Variants in TYW1 observed in about 807,000 individuals in gnomAD.
TYW1 encodes the protein S-adenosyl-L-methionine-dependent tRNA 4-demethylwyosine synthase TYW1.
TYW1 carries 46 observed loss-of-function variants against 96.2 expected under a neutral mutation model. The ratio of observed to expected loss-of-function variants is 0.48; its 90% CI spans 0.38 to 0.61. The LOEUF is 0.61. TYW1 is among the 20% of genes least tolerant of loss of function. The pLI is 0.00. For synonymous variants in TYW1, 274 were observed against 323.0 expected, an observed-to-expected ratio of 0.85 and a Z score of 1.63; for missense variants, 684 against 909.6, an observed-to-expected ratio of 0.75 and a Z score of 3.19.
intron 13 of TYW1, among the ~76,000 whole-genome samples, chr7:67,138,541 A>G (rs1243084587): frequency 1.3e-5 from 2 of 151,968 alleles, no homozygotes; most frequent in African/African-American, 4.8e-5. Context: ...TATATTGTCA[A>G]CCTGTTGTGC....
At chr7:67,002,996 C>G (rs990265324) in intron 3 of TYW1, among the ~76,000 whole-genome samples, 1 of 151,902 alleles carries the variant, frequency 6.6e-6, no homozygotes, top group Non-Finnish European at 1.5e-5. Context: ...GTCTCAAACT[C>G]CTAGCCTCAA....
At position 67,239,298 on chromosome 7, in the gene TYW1, A is replaced by C. The variant is rs1414047876; in HGVS notation, c.*769A>C. 1.0e-6 allele frequency: 1 copy of C among 985,306 alleles called. No individual in the cohort carries two copies. The allele number at this position is 985,306 out of a possible 1,614,324, so 61.0% of individuals were successfully genotyped here. A position where few individuals can be genotyped will look rare whatever the true frequency, so the allele number is the denominator to read the frequency against. The stretch of plus-strand genomic sequence containing the variant: ...AGAGGATCATTTCTTTTTGTTCGTG[A>C]GGTCACTGTCCAGGCCTCTCATATC... On this transcript the variant is annotated 3_prime_UTR_variant, in exon 16 of 16. Coordinates refer to ENST00000359626, the MANE Select transcript of TYW1 (RefSeq NM_018264.4).
intron 11 of TYW1, among the ~76,000 whole-genome samples, chr7:67,092,670 C>CTT: frequency 3.6e-5 from 5 of 140,130 alleles, no homozygotes; most frequent in Non-Finnish European, 7.7e-5. Flanking sequence ...GTGCCTATCA[C>CTT]CTTCTTTTTT....
chr7:67,016,472 G>A (rs1203537022), intron 5 of TYW1, among the ~76,000 whole-genome samples: 2 of 151,834 alleles, frequency 1.3e-5, no homozygotes, highest in African/African-American at 2.4e-5. Context: ...ACTTGAACCC[G>A]GGAGGTAGAG....
chr7:67,228,760 G>C (rs1382952871), intron 15 of TYW1, among the ~76,000 whole-genome samples: 2 of 152,196 alleles, frequency 1.3e-5, no homozygotes, highest in Non-Finnish European at 2.9e-5. Flanking sequence ...TGCAGTATTT[G>C]TAACAAAAGC....
chr7:67,021,088 GTTACTC>G (rs1794245442), intron 6 of TYW1, among the ~76,000 whole-genome samples: 1 of 152,276 alleles, frequency 6.6e-6, no homozygotes, highest in South Asian at 2.1e-4. Context: ...GTGCTCACCT[GTTACTC>G]TTTAGTTCAG....
intron 4 of TYW1, among the ~76,000 whole-genome samples, chr7:67,011,736 G>A (rs1793804741): frequency 6.6e-6 from 1 of 152,072 alleles, no homozygotes; most frequent in African/African-American, 2.4e-5. Flanking sequence ...GCTGGGGTTG[G>A]TGGTGGGCGC....
At chr7:67,079,241 A>G (rs1210144742) in intron 10 of TYW1, among the ~76,000 whole-genome samples, 1 of 151,828 alleles carries the variant, frequency 6.6e-6, no homozygotes, top group Non-Finnish European at 1.5e-5. Flanking sequence ...CCATCTGGCC[A>G]TGTACTTTTT....
rs1794709897 is a variant in TYW1, at chr7:67,032,849, T to C, written c.984+7827T>C. Among the ~76,000 whole-genome samples, 4 of 149,534 alleles carry C rather than the reference T, an allele frequency of 2.7e-5. No homozygotes were observed. The South Asian group carries it at 8.5e-4, about 32-fold the overall frequency. On this transcript the variant is annotated intron_variant, in intron 7 of 15. Coordinates refer to ENST00000359626, the MANE Select transcript of TYW1 (RefSeq NM_018264.4). ...TGTACTTGTCTTTCTTTTTCCTTCT[T>C]TTTTGAGCCCATTTTCCAGCAGCAG... is the stretch of plus-strand genomic sequence containing the variant.
intron 13 of TYW1, among the ~76,000 whole-genome samples, chr7:67,136,135 G>A (rs1390703178): frequency 2.0e-5 from 3 of 152,188 alleles, no homozygotes; most frequent in Non-Finnish European, 4.4e-5. Flanking sequence ...AGCCCAAAGT[G>A]GAGGTGATCG....
intron 13 of TYW1, among the ~76,000 whole-genome samples, chr7:67,163,354 C>T (rs1799219420): frequency 6.6e-6 from 1 of 152,188 alleles, no homozygotes; most frequent in South Asian, 2.1e-4. Context: ...CATTCTGCTG[C>T]CAGTGCTCCG....
At chr7:67,017,629 TA>T (rs949283434) in intron 5 of TYW1, among the ~76,000 whole-genome samples, 2 of 152,170 alleles carry the variant, frequency 1.3e-5, no homozygotes, top group South Asian at 4.1e-4. Context: ...TCCTTTTGTT[TA>T]AAAAAATAAA....
intron 15 of TYW1, among the ~76,000 whole-genome samples, chr7:67,198,441 C>T (rs1386756943): frequency 6.6e-6 from 1 of 151,720 alleles, no homozygotes; most frequent in South Asian, 2.1e-4. Context: ...ATCTCAGGTA[C>T]TCAGGAAGCT....
intron 13 of TYW1, among the ~76,000 whole-genome samples, chr7:67,164,474 G>T (rs1228663071): frequency 1.3e-5 from 2 of 152,070 alleles, no homozygotes; most frequent in Non-Finnish European, 2.9e-5. Context: ...GGCTGGATGT[G>T]ATGGCATGTG....
At chr7:67,106,176 T>C (rs11765443) in intron 12 of TYW1, among the ~76,000 whole-genome samples, 44,709 of 152,072 alleles carry the variant, frequency 0.29, 7,347 homozygotes, top group African/African-American at 0.44. Flanking sequence ...GGATTACAGG[T>C]GTGAGCCACT....
At chr7:67,199,308 G>A (rs191935455) in intron 15 of TYW1, among the ~76,000 whole-genome samples, 5 of 152,294 alleles carry the variant, frequency 3.3e-5, no homozygotes, top group Non-Finnish European at 5.9e-5. Context: ...TGTTGGCGAC[G>A]TGTCCTTTTC....
At chr7:67,162,168 G>A (rs1447026755) in intron 13 of TYW1, among the ~76,000 whole-genome samples, 3 of 151,894 alleles carry the variant, frequency 2.0e-5, no homozygotes, top group African/African-American at 7.3e-5. Flanking sequence ...AAAAAAATTG[G>A]CCGGGCGTGG....
intron 15 of TYW1, among the ~76,000 whole-genome samples, chr7:67,236,830 T>TA (rs1801904222): frequency 6.6e-6 from 1 of 151,204 alleles, no homozygotes; most frequent in African/African-American, 2.5e-5. Flanking sequence ...TTTTCTTTCT[T>TA]TTTTTTGTGG....
At chr7:67,220,462 C>G (rs1166057573) in intron 15 of TYW1, among the ~76,000 whole-genome samples, 1 of 152,132 alleles carries the variant, frequency 6.6e-6, no homozygotes, top group African/African-American at 2.4e-5. Flanking sequence ...CTTGGCCTCC[C>G]AAAGTGCTGG....
Sources: allele counts gnomAD v4.1 joint callset (sites outside exome capture counted in the v4.1 genomes callset), GRCh38; gene constraint gnomAD v4.1.1; transcripts MANE v1.5; gene names NCBI Gene and HGNC (gene_info 2026-07-23, HGNC 2026-07-21).